The following SPAG17 variants were observed in gnomAD, a reference collection of about 807,000 sequenced individuals.
The protein encoded by SPAG17 is sperm associated antigen 17, also known as sperm-associated antigen 17.
Under a neutral mutation model 273.6 loss-of-function variants are expected in SPAG17, and 169 were observed. That is an observed-to-expected ratio of 0.62 (90% CI 0.55 to 0.70). The LOEUF (loss-of-function observed/expected upper bound fraction) is 0.70. SPAG17 is among the 30% of genes least tolerant of loss of function. The pLI, the probability that SPAG17 is intolerant of heterozygous loss-of-function variation, is 0.00. For synonymous variants in SPAG17, 825 were observed against 873.2 expected, an observed-to-expected ratio of 0.94 and a Z score of 0.97; for missense variants, 2,557 against 2,627.8, an observed-to-expected ratio of 0.97 and a Z score of 0.59.
chr1:118,078,394 T>C (rs1378335312), intron 15 of SPAG17, among the ~76,000 whole-genome samples: 2 of 152,134 alleles, frequency 1.3e-5, no homozygotes, highest in Admixed American at 6.6e-5. Context: ...TGAATAATTA[T>C]AACAGTAAAG....
chr1:118,004,462 G>A lies in SPAG17; in HGVS notation c.4776+952C>T, dbSNP rs373640409. Among the ~76,000 whole-genome samples, 8 of 152,324 alleles carry A rather than the reference G, an allele frequency of 5.3e-5. No individual in the cohort carries two copies. The East Asian group carries it at 1.5e-3, about 29-fold the overall frequency. On this transcript the variant is annotated intron_variant, in intron 32 of 48. Transcript: ENST00000336338. ...CAGTAGGCCTTGCTGAGCTGTGGTG[G>A]GCTTTGCCCATTTCGAGCTTCCTGG... is the stretch of plus-strand genomic sequence containing the variant.
At chr1:118,111,553 A>AACAC (rs61266210) in intron 4 of SPAG17, among the ~76,000 whole-genome samples, 5,029 of 135,810 alleles carry the variant, frequency 0.037, 112 homozygotes, top group Middle Eastern at 0.046. Context: ...CTTTTAAAAC[A>AACAC]ACACACACAC....
intron 29 of SPAG17, 26 bp from the exon 30 acceptor site, chr1:118,012,398 T>A: frequency 1.9e-6 from 3 of 1,607,908 alleles, no homozygotes; most frequent in Non-Finnish European, 2.5e-6. Flanking sequence ...CAGGACATAA[T>A]CATTTGGCCA....
chr1:117,976,169 T>A (rs770714963), intron 43 of SPAG17, among the ~76,000 whole-genome samples: 2 of 152,134 alleles, frequency 1.3e-5, no homozygotes, highest in African/African-American at 4.8e-5. Flanking sequence ...AACATGCAGA[T>A]GATTATTCCA....
intron 1 of SPAG17, among the ~76,000 whole-genome samples, chr1:118,151,956 T>A (rs902090703): frequency 1.3e-5 from 2 of 152,196 alleles, no homozygotes; most frequent in East Asian, 1.9e-4. Context: ...CAAATAATTT[T>A]AAAAAATTAG....
intron 18 of SPAG17, among the ~76,000 whole-genome samples, chr1:118,060,774 C>T (rs1278492686): frequency 6.6e-6 from 1 of 152,110 alleles, no homozygotes; most frequent in African/African-American, 2.4e-5. Context: ...TTTCTGAAGG[C>T]TACATTTGCT....
At chr1:118,122,153 C>CTGTGTGTGTG (rs34125128) in intron 3 of SPAG17, among the ~76,000 whole-genome samples, 13 of 149,148 alleles carry the variant, frequency 8.7e-5, no homozygotes, top group African/African-American at 3.2e-4. Context: ...GTCTGTGTGT[C>CTGTGTGTGTG]TGTGTGTGTG....
chr1:117,963,714 T>A (rs1468318411), intron 48 of SPAG17, 85 bp downstream of exon 48: 1 of 1,311,900 alleles, frequency 7.6e-7, no homozygotes, highest in East Asian at 2.4e-5. Flanking sequence ...GGTTTCTGAC[T>A]ATAAGAAGAG....
Position 117,966,668 on chromosome 1 carries a change from A to T in SPAG17, c.6473T>A (p.Ile2158Asn). Residue 2158 changes from isoleucine (I) to asparagine (N), a missense_variant, in exon 47 of 49, where the codon ATC becomes AAC. Physicochemically the swap from Ile to Asn is moderately radical, Grantham distance 149. Coordinates refer to ENST00000336338, the MANE Select transcript of SPAG17 (RefSeq NM_206996.4). ...GEDGAKGSAH[I>N]SHNIEIMTEH... ...TGTCATAATCTCGATATTGTGAGAG[A>T]TGTGTGCTGATCCCTTGGCCCCATC... is the stretch of plus-strand genomic sequence containing the variant. 1 of 1,613,976 alleles carries T rather than the reference A, an allele frequency of 6.2e-7. No individual in the cohort carries two copies. Among genetic ancestry groups the T allele is most frequent in the Non-Finnish European group, 8.5e-7 (1 of 1,179,920 alleles).
At chr1:118,012,398 T>C in intron 29 of SPAG17, 26 bp from the exon 30 acceptor site, 1 of 1,607,908 alleles carries the variant, frequency 6.2e-7, no homozygotes, top group Non-Finnish European at 8.5e-7. Context: ...CAGGACATAA[T>C]CATTTGGCCA....
intron 4 of SPAG17, among the ~76,000 whole-genome samples, chr1:118,113,996 C>G (rs944174656): frequency 2.0e-5 from 3 of 152,114 alleles, no homozygotes; most frequent in Non-Finnish European, 4.4e-5. Flanking sequence ...CTTTAGCACA[C>G]TATTTCTAAC....
In SPAG17 at chr1:118,031,854, A is replaced by G; in HGVS notation, c.3447T>C (p.Pro1149=). Residue 1149 remains proline (P), a synonymous_variant, in exon 25 of 49, where the codon CCT becomes CCC. Transcript: ENST00000336338. ...SNGMAPEDKD[P]DLETILNIPS... Reference sequence around the variant, plus strand: ...GGATATTCAATATTGTTTCTAAATCAGGATCCTTATCTTCTATAAGCAGAA... The same window carrying G: ...GGATATTCAATATTGTTTCTAAATCGGGATCCTTATCTTCTATAAGCAGAA... 1 of 1,600,392 alleles carries G rather than the reference A, an allele frequency of 6.2e-7. No homozygotes were observed. Among genetic ancestry groups the G allele is most frequent in the Non-Finnish European group, 8.5e-7 (1 of 1,173,598 alleles).
In SPAG17 at chr1:118,151,210, G is replaced by C; in HGVS notation, c.228+19C>G. ...TAAAAAAGTCTTCAGGTGGCTTTGAGGTAGGAAGGGACAGGTACCTGCTGG... is the reference window on the plus strand; with the variant it reads ...TAAAAAAGTCTTCAGGTGGCTTTGACGTAGGAAGGGACAGGTACCTGCTGG... On this transcript the variant is annotated intron_variant, in intron 2 of 48. Coordinates refer to ENST00000336338, the MANE Select transcript of SPAG17 (RefSeq NM_206996.4). The C allele has an allele frequency of 6.6e-7, 1 of 1,512,504 alleles. No individual in the cohort carries two copies. The highest frequency in any genetic ancestry group is 2.3e-5 in the East Asian group (1 of 42,712). The allele number at this position is 1,512,504 out of a possible 1,614,324, so 93.7% of individuals were successfully genotyped here.
chr1:118,146,565 C>T (rs1351965752), intron 3 of SPAG17, among the ~76,000 whole-genome samples: 4 of 152,164 alleles, frequency 2.6e-5, no homozygotes, highest in African/African-American at 9.7e-5. Flanking sequence ...TACCATATAA[C>T]TACAAATGTA....
chr1:118,054,981 A>G (rs1651496238), intron 19 of SPAG17, among the ~76,000 whole-genome samples: 3 of 152,150 alleles, frequency 2.0e-5, no homozygotes, highest in African/African-American at 7.2e-5. Context: ...ATAAATGAAT[A>G]TTATTAACAA....
intron 48 of SPAG17, among the ~76,000 whole-genome samples, chr1:117,958,450 T>C (rs1652539592): frequency 6.6e-6 from 1 of 152,250 alleles, no homozygotes; most frequent in Admixed American, 6.5e-5. Context: ...GGATGGGTAC[T>C]ACCTGACAGG....
intron 27 of SPAG17, among the ~76,000 whole-genome samples, chr1:118,023,960 C>A (rs928494018): frequency 1.3e-5 from 2 of 152,124 alleles, no homozygotes; most frequent in Non-Finnish European, 2.9e-5. Context: ...ATGACAAGGA[C>A]CAACGTCACT....
In SPAG17 at chr1:117,992,552, T is replaced by C. The variant is rs1238242052; in HGVS notation, c.5275A>G (p.Ser1759Gly). Reference protein sequence around the residue: ...LVSAPGAILKSPSVLQMRQFI... With the variant: ...LVSAPGAILKGPSVLQMRQFI... ...TGGCGCATCTGTAGCACACTGGGGC[T>C]CTTGAGTATGGCACCCGGGGCACTC... Residue 1759 changes from serine (S) to glycine (G), a missense_variant, in exon 36 of 49, where the codon AGC (serine) becomes GGC (glycine). Transcript: ENST00000336338. The C allele has an allele frequency of 6.2e-7, 1 of 1,613,810 alleles. No homozygotes were observed.
Position 117,987,830 on chromosome 1 carries a change from T to G in SPAG17, c.5669+4A>C, listed in dbSNP as rs778510128. 1.2e-6 allele frequency: 2 copies of G among 1,613,790 alleles called. No individual in the cohort carries two copies. The highest frequency in any genetic ancestry group is 2.7e-5 in the African/African-American group (2 of 74,922). On this transcript the variant is annotated splice_donor_region_variant and intron_variant, in intron 40 of 48. Transcript: ENST00000336338. Reference sequence around the variant, plus strand: ...TCCTTATGTGCGTTTTGGGGTATAATTACCTCGTTTTGTCTATCTTTTCTT... The same window carrying G: ...TCCTTATGTGCGTTTTGGGGTATAAGTACCTCGTTTTGTCTATCTTTTCTT...
Sources: gnomAD v4.1 joint callset for allele counts (sites outside exome capture counted in the v4.1 genomes callset) on GRCh38, gnomAD v4.1.1 for gene constraint, MANE v1.5 for transcripts, NCBI Gene and HGNC (gene_info 2026-07-23, HGNC 2026-07-21) for gene names.